FREM2: variants seen among roughly 807,000 people sequenced by gnomAD.
The protein encoded by FREM2 is FRAS1 related extracellular matrix 2.
In FREM2, 119 loss-of-function variants were observed where a neutral mutation model predicts 219.9. The ratio of observed to expected loss-of-function variants is 0.54; its 90% confidence interval spans 0.47 to 0.63. The LOEUF (loss-of-function observed/expected upper bound fraction) is 0.63. Among genes scored for constraint, FREM2 ranks in the 30% least tolerant of loss-of-function variants. The pLI, the probability that FREM2 is intolerant of heterozygous loss-of-function variation, is 0.00. For synonymous variants in FREM2, 1,562 were observed against 1,522.8 expected (o/e 1.03, Z -0.60); for missense variants, 4,030 against 3,993.6 (o/e 1.01, Z -0.25).
At chr13:38,794,294 C>T (rs1874681639) in intron 6 of FREM2, among the ~76,000 whole-genome samples, 2 of 151,976 alleles carry the variant, frequency 1.3e-5, no homozygotes, top group Admixed American at 1.3e-4. Context: ...TATGACCATC[C>T]CAGCAAAGAA....
Position 38,720,656 on chromosome 13 carries a change from C to T in FREM2, c.5263+22869C>T, listed in dbSNP as rs113730771. On this transcript the variant is annotated intron_variant, in intron 2 of 23. Transcript: ENST00000280481. ...TACAGAGAAGGGGCAGAAAGTTAAA[C>T]TCCTTGGTCCAACTGAGTGGTCAAT... 3.8e-3 allele frequency among the ~76,000 whole-genome samples: 575 copies of T among 151,960 alleles called. 7 individuals carry two copies. Among genetic ancestry groups the T allele is most frequent in the African/African-American group, 0.013 (548 of 41,518 alleles).
chr13:38,727,336 C>T (rs1871569300), intron 2 of FREM2, among the ~76,000 whole-genome samples: 1 of 151,962 alleles, frequency 6.6e-6, no homozygotes, highest in South Asian at 2.1e-4. Flanking sequence ...TACAAAAATA[C>T]AGCGTGGTGG....
At chr13:38,693,919 A>C (rs1162709464) in intron 1 of FREM2, among the ~76,000 whole-genome samples, 1 of 152,146 alleles carries the variant, frequency 6.6e-6, no homozygotes, top group African/African-American at 2.4e-5. Context: ...TTTTATGTGA[A>C]GGCTTTCTGA....
intron 2 of FREM2, among the ~76,000 whole-genome samples, chr13:38,747,079 A>G (rs1433916323): frequency 6.6e-6 from 1 of 152,086 alleles, no homozygotes; most frequent in Admixed American, 6.6e-5. Context: ...TCTATCAGGT[A>G]TTTCCTTGTT....
intron 6 of FREM2, among the ~76,000 whole-genome samples, chr13:38,808,412 A>G (rs780247128): frequency 6.6e-6 from 1 of 151,976 alleles, no homozygotes. Flanking sequence ...GTTGGGCACA[A>G]GAGGCTGGTT....
In FREM2 at chr13:38,818,125, G is replaced by A. The variant is rs529215091; in HGVS notation, c.6020-28448G>A. Among the ~76,000 whole-genome samples, 134 of 152,224 alleles carry A rather than the reference G, an allele frequency of 8.8e-4. No individual in the cohort carries two copies. In the South Asian group the frequency reaches 0.013, roughly 15 times the overall value. ...CAGCCATTATGGAATACAGTATGGCGGTTCCTCAATTAACTAGAAATAGGA... is the reference window on the plus strand; with the variant it reads ...CAGCCATTATGGAATACAGTATGGCAGTTCCTCAATTAACTAGAAATAGGA... On this transcript the variant is annotated intron_variant, in intron 6 of 23. Transcript: ENST00000280481.
intron 4 of FREM2, among the ~76,000 whole-genome samples, chr13:38,776,058 A>G (rs1450754374): frequency 6.6e-6 from 1 of 152,220 alleles, no homozygotes. Flanking sequence ...TTCTTTTTCA[A>G]GACCCTGTAA....
intron 21 of FREM2, 54 bp from the exon 22 acceptor site, chr13:38,878,080 C>T (rs1044142488): frequency 1.1e-5 from 16 of 1,421,366 alleles, no homozygotes; most frequent in Admixed American, 1.7e-5. Flanking sequence ...TACAGTGTCA[C>T]GTTGATATAC....
intron 1 of FREM2, among the ~76,000 whole-genome samples, chr13:38,697,289 G>A (rs561288979): frequency 2.7e-4 from 41 of 152,226 alleles, no homozygotes; most frequent in Non-Finnish European, 4.0e-4. Flanking sequence ...TGTCCTCTGC[G>A]GGCCAGTTCC....
Position 38,687,375 on chromosome 13 carries a change from T to C in FREM2, c.31T>C (p.Ser11Pro), listed in dbSNP as rs766689070. 1 of 1,608,558 alleles carries C rather than the reference T, an allele frequency of 6.2e-7. No homozygotes were observed. The highest frequency in any genetic ancestry group is 1.7e-5 in the Admixed American group (1 of 59,598). Residue 11 changes from serine (S) to proline (P), a missense_variant, in exon 1 of 24, where the codon TCG (serine) becomes CCG (proline). Ser to Pro is a moderately conservative substitution (Grantham distance 74). This residue lies in a region of FREM2 where 3,102 missense variants were observed against 2,950.7 expected (regional missense o/e 1.05). Coordinates refer to ENST00000280481, the MANE Select transcript of FREM2 (RefSeq NM_207361.6). MHSAGTPGLS[S>P]RRTGNSTSFQ... Reference sequence around the variant, plus strand: ...CTCAGCCGGGACTCCCGGGTTATCCTCGCGCCGGACAGGCAACTCCACCAG... The same window carrying C: ...CTCAGCCGGGACTCCCGGGTTATCCCCGCGCCGGACAGGCAACTCCACCAG...
chr13:38,866,032 T>C (rs1010071724), intron 16 of FREM2, among the ~76,000 whole-genome samples: 3 of 152,220 alleles, frequency 2.0e-5, no homozygotes, highest in Admixed American at 6.5e-5. Flanking sequence ...GTATCTCTAC[T>C]TCCTTCATGT....
intron 6 of FREM2, among the ~76,000 whole-genome samples, chr13:38,838,487 C>G (rs1176106028): frequency 1.3e-5 from 2 of 152,088 alleles, no homozygotes. Context: ...TCTGTATTTC[C>G]TGAATTTGAA....
At chr13:38,739,405 C>G (rs1196727574) in intron 2 of FREM2, among the ~76,000 whole-genome samples, 1 of 152,078 alleles carries the variant, frequency 6.6e-6, no homozygotes, top group Non-Finnish European at 1.5e-5. Context: ...ATGTAGAATC[C>G]TCTTTTGACT....
chr13:38,751,864 C>CTGTGTGTG (rs59365871), intron 2 of FREM2, among the ~76,000 whole-genome samples: 5 of 130,330 alleles, frequency 3.8e-5, no homozygotes, highest in African/African-American at 1.7e-4. Context: ...TGTACTTACT[C>CTGTGTGTG]TGTGTGTGTG....
chr13:38,793,815 G>T (rs1874661348), intron 6 of FREM2, among the ~76,000 whole-genome samples: 1 of 152,144 alleles, frequency 6.6e-6, no homozygotes. Context: ...GAGGAAGAAT[G>T]GGCATGTCAT....
intron 3 of FREM2, among the ~76,000 whole-genome samples, chr13:38,766,444 A>C (rs939591904): frequency 2.0e-5 from 3 of 152,194 alleles, no homozygotes; most frequent in Non-Finnish European, 2.9e-5. Context: ...GTCATTGAAG[A>C]TGGTAACGGA....
At chr13:38,807,069 A>T (rs960770534) in intron 6 of FREM2, among the ~76,000 whole-genome samples, 4 of 150,232 alleles carry the variant, frequency 2.7e-5, no homozygotes, top group Non-Finnish European at 5.9e-5. Flanking sequence ...CCACATCTGT[A>T]GTTACTTCCT....
chr13:38,757,359 C>G (rs181120745), intron 2 of FREM2, among the ~76,000 whole-genome samples: 7 of 152,270 alleles, frequency 4.6e-5, no homozygotes, highest in Admixed American at 4.6e-4. Flanking sequence ...CGTTGCTTGT[C>G]TGAATATTGA....
chr13:38,689,795 C>T lies in FREM2; in HGVS notation c.2451C>T (p.Thr817=), dbSNP rs1284776931. 1 of 1,613,820 alleles carries T rather than the reference C, an allele frequency of 6.2e-7. No homozygotes were observed. Among genetic ancestry groups the T allele is most frequent in the Admixed American group, 1.7e-5 (1 of 59,976 alleles). Residue 817 remains threonine (T), a synonymous_variant, in exon 1 of 24, where the codon ACC becomes ACT. Transcript: ENST00000280481. ...GAGCTGGGAATGTGGCTCCAGGTAC[C>T]TTTACCCTTTACTTGCATCCCGTGG... is the stretch of plus-strand genomic sequence containing the variant. ...EDRAGNVAPG[T]FTLYLHPVDN...
Sources: gnomAD v4.1 joint callset for allele counts (sites outside exome capture counted in the v4.1 genomes callset) on GRCh38, gnomAD v4.1.1 for gene constraint, gnomAD v4.1.1 regional missense constraint, MANE v1.5 for transcripts, NCBI Gene and HGNC (gene_info 2026-07-23, HGNC 2026-07-21) for gene names.